The following SEZ6L2 variants were observed in gnomAD, a reference collection of about 807,000 sequenced individuals.
The protein encoded by SEZ6L2 is seizure 6-like protein 2.
SEZ6L2 carries 44 observed loss-of-function variants against 97.0 expected under a neutral mutation model. The observed-to-expected ratio is 0.45, with a 90% CI of 0.36 to 0.58. The LOEUF (loss-of-function observed/expected upper bound fraction) is 0.58, where lower values mean the gene tolerates loss of function less well. SEZ6L2 is among the 20% of genes least tolerant of loss of function. The pLI is 0.00. For missense variants in SEZ6L2, 1,086 were observed against 1,233.3 expected, an observed-to-expected ratio of 0.88 and a Z score of 1.79; for synonymous variants, 543 against 546.1, an observed-to-expected ratio of 0.99 and a Z score of 0.08.
chr16:29,887,658 T>A lies in SEZ6L2; in HGVS notation c.1199A>T (p.Asp400Val), dbSNP rs1429468156. ...AGACCCAGACCCTTACCGGTCATTG[T>A]CCTCATCCAGCGAGACCCTTTCAAA... ...LHFERVSLDE[D>V]NDRLMVRSGG... The change falls in exon 7 of 18, where the codon GAC becomes GTC. Residue 400 changes from aspartate (D) to valine (V), a missense_variant. Around this residue, in one of 2 missense-constraint regions of SEZ6L2, gnomAD observed 776 missense variants for 794.7 expected, o/e 0.98. Coordinates refer to ENST00000617533, the MANE Select transcript of SEZ6L2 (RefSeq NM_001243332.2). The A allele has an allele frequency of 6.3e-7, 1 of 1,578,040 alleles. No individual in the cohort carries two copies. The highest frequency in any genetic ancestry group is 8.6e-7 in the Non-Finnish European group (1 of 1,160,008).
Position 29,882,200 on chromosome 16 carries a change from G to T in SEZ6L2, c.1373-2136C>A, listed in dbSNP as rs556175966. 2.5e-3 allele frequency among the ~76,000 whole-genome samples: 378 copies of T among 150,858 alleles called. 1 individual carries two copies. Among genetic ancestry groups the T allele is most frequent in the Non-Finnish European group, 4.1e-3 (277 of 67,616 alleles). On this transcript the variant is annotated intron_variant, in intron 8 of 17. Transcript: ENST00000617533. The stretch of plus-strand genomic sequence containing the variant: ...TGCCTAGGCTGGTTTCAAACTCCTG[G>T]GCTCAAGTGATCCACCTGCCTCAGC...
intron 8 of SEZ6L2, among the ~76,000 whole-genome samples, chr16:29,884,729 C>T (rs1056597216): frequency 6.6e-6 from 1 of 150,490 alleles, no homozygotes; most frequent in African/African-American, 2.5e-5. Context: ...GCCTGACCAA[C>T]GTGGAGAAAC....
rs749630816 is a variant in SEZ6L2, at chr16:29,888,548, C to A, written c.1031G>T (p.Ser344Ile). 2 of 1,613,590 alleles carry A rather than the reference C, an allele frequency of 1.2e-6. No individual in the cohort carries two copies. The highest frequency in any genetic ancestry group is 1.7e-6 in the Non-Finnish European group (2 of 1,179,714). The change falls in exon 6 of 18, where the codon AGC (serine) becomes ATC (isoleucine). Residue 344 changes from serine (S) to isoleucine (I), a missense_variant. Ser to Ile is a moderately radical substitution (Grantham distance 142). Transcript: ENST00000617533. Reference protein sequence around the residue: ...TRPSWNGETPSCMASCGGTIH... With the variant: ...TRPSWNGETPICMASCGGTIH... ...TGTGGCAGGAGACTCACCCATGCAGCTGGGGGTTTCACCGTTCCAGGATGG... is the reference window on the plus strand; with the variant it reads ...TGTGGCAGGAGACTCACCCATGCAGATGGGGGTTTCACCGTTCCAGGATGG...
At chr16:29,893,192 G>A (rs182148195) in intron 5 of SEZ6L2, among the ~76,000 whole-genome samples, 22 of 151,758 alleles carry the variant, frequency 1.4e-4, no homozygotes, top group Admixed American at 3.3e-4. Context: ...GGAGTGGTGG[G>A]GCATGCTTGT....
In SEZ6L2 at chr16:29,884,674, G is replaced by A. The variant is rs532921194; in HGVS notation, c.1372+912C>T. Among the ~76,000 whole-genome samples, 18 of 152,212 alleles carry A rather than the reference G, an allele frequency of 1.2e-4. No individual in the cohort carries two copies. The East Asian group carries it at 3.5e-3, about 29-fold the overall frequency. On this transcript the variant is annotated intron_variant, in intron 8 of 17. Coordinates refer to ENST00000617533, the MANE Select transcript of SEZ6L2 (RefSeq NM_001243332.2). ...CACGCCTGTAATCCCAACACTTTGG[G>A]AGGCGGAGGCGGGCAGATCACCTGA...
intron 5 of SEZ6L2, among the ~76,000 whole-genome samples, chr16:29,892,812 C>T (rs1484668582): frequency 6.6e-6 from 1 of 152,234 alleles, no homozygotes; most frequent in Non-Finnish European, 1.5e-5. Flanking sequence ...AGGGCACTGG[C>T]TGGGCCCCTT....
At position 29,899,222 on chromosome 16, in the gene SEZ6L2, C is replaced by A. The variant is rs551725833; in HGVS notation, c.-203G>T. On this transcript the variant is annotated 5_prime_UTR_variant, in exon 1 of 18. Transcript: ENST00000617533. ...CTAGGGGTCGCCTGGAGCCCACCCC[C>A]CTTTGCTCAGTCTCCTCTGTCCTCT... 6 of 572,378 alleles carry A rather than the reference C, an allele frequency of 1.0e-5. No individual in the cohort carries two copies. In the East Asian group the frequency reaches 1.2e-4, roughly 12 times the overall value. 35.5% of individuals were successfully genotyped at this position (572,378 alleles called of 1,614,324 possible).
chr16:29,883,550 C>G (rs2068070548), intron 8 of SEZ6L2, among the ~76,000 whole-genome samples: 2 of 152,094 alleles, frequency 1.3e-5, no homozygotes, highest in African/African-American at 4.8e-5. Context: ...AACTCCTGGC[C>G]TCAAACAATC....
At chr16:29,898,726 TA>T (rs1198603744) in intron 1 of SEZ6L2, among the ~76,000 whole-genome samples, 3 of 152,146 alleles carry the variant, frequency 2.0e-5, no homozygotes, top group Non-Finnish European at 4.4e-5. Flanking sequence ...GAGACACTGC[TA>T]AAAGCTTCTC....
At chr16:29,889,050 A>G (rs2068211135) in intron 5 of SEZ6L2, among the ~76,000 whole-genome samples, 1 of 149,160 alleles carries the variant, frequency 6.7e-6, no homozygotes, top group African/African-American at 2.5e-5. Flanking sequence ...AAATCAATGA[A>G]CTACTCTGAA....
Position 29,873,168 on chromosome 16 carries a change from GCTAC to G in SEZ6L2, c.2488+68_2488+71del, listed in dbSNP as rs1449739723. 4.5e-6 allele frequency: 7 copies of G among 1,548,640 alleles called. No homozygotes were observed. The highest frequency in any genetic ancestry group is 6.2e-6 in the Non-Finnish European group (7 of 1,137,406). On this transcript the variant is annotated intron_variant, in intron 14 of 17. Coordinates refer to ENST00000617533, the MANE Select transcript of SEZ6L2 (RefSeq NM_001243332.2). The surrounding 1 kb of genome is among the most constrained non-coding windows in gnomAD (Gnocchi z 4.3). Reference sequence around the variant, plus strand: ...GGGGTCGCCCATTGGTCTCAAATGTGCTACCTGACTCTCCCAGCCCTGTCACTTC... The same window carrying G: ...GGGGTCGCCCATTGGTCTCAAATGTGCTGACTCTCCCAGCCCTGTCACTTC...
intron 5 of SEZ6L2, 64 bp from the exon 6 acceptor site, chr16:29,888,789 C>A (rs2068204763): frequency 7.1e-7 from 1 of 1,410,274 alleles, no homozygotes; most frequent in East Asian, 2.4e-5. Context: ...ATACTGATCC[C>A]CCAGCACTTC....
chr16:29,876,820 G>C lies in SEZ6L2; in HGVS notation c.2040C>G (p.Gly680=). Residue 680 remains glycine (G), a synonymous_variant, in exon 12 of 18, where the codon GGC becomes GGG. Transcript: ENST00000617533. This position sits in a 1 kb window ranked among gnomAD's most constrained non-coding sequence, Gnocchi z 6.5. ...CCCACTGGCAAGTGAGAATGTCGGA[G>C]CCTAGCAGCTCGTAGCCAGGCTCGC... ...YQCEPGYELL[G]SDILTCQWDL... 6.2e-7 allele frequency: 1 copy of C among 1,605,826 alleles called. No homozygotes were observed. The highest frequency in any genetic ancestry group is 8.5e-7 in the Non-Finnish European group (1 of 1,176,460).
chr16:29,876,672 C>T lies in SEZ6L2; in HGVS notation c.2104+84G>A. 7.8e-7 allele frequency: 1 copy of T among 1,286,014 alleles called. No individual in the cohort carries two copies. Among genetic ancestry groups the T allele is most frequent in the Non-Finnish European group, 1.0e-6 (1 of 956,964 alleles). The allele number at this position is 1,286,014 out of a possible 1,614,324, so 79.7% of individuals were successfully genotyped here. A position where few individuals can be genotyped will look rare whatever the true frequency, so the allele number is the denominator to read the frequency against. ...GAGCGAAGGGATGGAACCCAGAAAG[C>T]ACGGGGGTCGGGACAGGACAGGCCG... On this transcript the variant is annotated intron_variant, in intron 12 of 17. Transcript: ENST00000617533. This position sits in a 1 kb window ranked among gnomAD's most constrained non-coding sequence, Gnocchi z 6.5.
chr16:29,876,934 G>T lies in SEZ6L2; in HGVS notation c.1926C>A (p.Asp642Glu). The T allele has an allele frequency of 6.2e-7, 1 of 1,608,526 alleles. No homozygotes were observed. ...CCGGAGGTGGCAGCTCGGGGCACGT[G>T]TCGTTCCTCGGGACCTCTGCAGGGG... ...VLHFKEVPRN[D>E]TCPELPPPEW... Residue 642 changes from aspartate (D) to glutamate (E), a missense_variant, in exon 12 of 18, where the codon GAC becomes GAA. Asp to Glu is a conservative substitution (Grantham distance 45, BLOSUM62 2). Transcript: ENST00000617533. The surrounding 1 kb of genome is among the most constrained non-coding windows in gnomAD (Gnocchi z 6.5).
At chr16:29,878,786 T>C (rs2067968163) in intron 9 of SEZ6L2, among the ~76,000 whole-genome samples, 1 of 150,690 alleles carries the variant, frequency 6.6e-6, no homozygotes. Flanking sequence ...TTTGTATTTT[T>C]AGTAGAGACG....
chr16:29,892,417 C>T (rs2068289048), intron 5 of SEZ6L2, among the ~76,000 whole-genome samples: 1 of 152,236 alleles, frequency 6.6e-6, no homozygotes, highest in Non-Finnish European at 1.5e-5. Context: ...GGAGCCATAT[C>T]TTCAGATTTC....
chr16:29,898,919 C>T, intron 1 of SEZ6L2, 22 bp downstream of exon 1: 1 of 1,599,618 alleles, frequency 6.3e-7, no homozygotes, highest in Non-Finnish European at 8.5e-7. Flanking sequence ...TGGGGCCCAC[C>T]CCCACAGTCT....
chr16:29,895,855 A>C lies in SEZ6L2; in HGVS notation c.517T>G (p.Cys173Gly). 1 of 1,611,886 alleles carries C rather than the reference A, an allele frequency of 6.2e-7. No individual in the cohort carries two copies. Among genetic ancestry groups the C allele is most frequent in the Non-Finnish European group, 8.5e-7 (1 of 1,179,032 alleles). The stretch of plus-strand genomic sequence containing the variant: ...TCGCCCTCGGAGATGTTGTTATTAC[A>C]CAGAACTGAGGAGATACAAATGGCT... ...VTTTVTSPVLCNNNISEGEGY... is the reference protein window; with the variant it reads ...VTTTVTSPVLGNNNISEGEGY... Residue 173 changes from cysteine (C) to glycine (G), a missense_variant, in exon 4 of 18, where the codon TGT becomes GGT. Around this residue, in one of 2 missense-constraint regions of SEZ6L2, gnomAD observed 776 missense variants for 794.7 expected, o/e 0.98. Coordinates refer to ENST00000617533, the MANE Select transcript of SEZ6L2 (RefSeq NM_001243332.2).
Sources: gnomAD v4.1 joint callset for allele counts (sites outside exome capture counted in the v4.1 genomes callset) on GRCh38, gnomAD v4.1.1 for gene constraint, gnomAD v4.1.1 regional missense constraint, Gnocchi (gnomAD v3.1) non-coding constraint, MANE v1.5 for transcripts, NCBI Gene and HGNC (gene_info 2026-07-23, HGNC 2026-07-21) for gene names.